Variants in WBP1 observed in about 807,000 individuals in gnomAD.
The protein encoded by WBP1 is WW domain-binding protein 1.
Under a neutral mutation model 25.6 loss-of-function variants are expected in WBP1, and 18 were observed. That is an observed-to-expected ratio of 0.70 (90% CI 0.49 to 1.04). The LOEUF is 1.04. Among genes scored for constraint, WBP1 ranks in the 50% least tolerant of loss-of-function variants. The pLI, the probability that WBP1 is intolerant of heterozygous loss-of-function variation, is 0.00. For missense variants in WBP1, 330 were observed against 352.9 expected (o/e 0.94, Z 0.52); for synonymous variants, 122 against 137.7 (o/e 0.89, Z 0.80).
chr2:74,460,177 A>G, intron 3 of WBP1, 44 bp from the exon 4 acceptor site: 1 of 1,581,596 alleles, frequency 6.3e-7, no homozygotes, highest in Non-Finnish European at 8.6e-7. Flanking sequence ...AGCACCCTAT[A>G]CCTGGTTGTC....
rs765325949 is a variant in WBP1, at chr2:74,460,290, C to G, written c.419C>G (p.Pro140Arg). 89 of 1,614,002 alleles carry G rather than the reference C, an allele frequency of 5.5e-5. No homozygotes were observed. The highest frequency in any genetic ancestry group is 1.6e-4 in the Middle Eastern group (1 of 6,084). Reference protein sequence around the residue: ...VVHRPGTPPPPYTVAPGRPLT... With the variant: ...VVHRPGTPPPRYTVAPGRPLT... ...CACCGCCCAGGCACACCACCCCCCC[C>G]TTATACTGTGGCCCCAGGCCGCCCC... Residue 140 changes from proline (P) to arginine (R), a missense_variant, in exon 4 of 4, where the codon CCT (proline) becomes CGT (arginine). Physicochemically the swap from Pro to Arg is moderately radical, Grantham distance 103. Transcript: ENST00000233615.
At chr2:74,460,137 T>TTCACA in intron 3 of WBP1, 84 bp from the exon 4 acceptor site, 2 of 1,577,332 alleles carry the variant, frequency 1.3e-6, no homozygotes, top group Non-Finnish European at 1.7e-6. Flanking sequence ...TTCCACACAT[T>TTCACA]TCAAAGTATT....
rs753261827 is a variant in WBP1, at chr2:74,459,855, C to T, written c.173-18C>T. On this transcript the variant is annotated intron_variant, in intron 2 of 3. Coordinates refer to ENST00000233615, the MANE Select transcript of WBP1 (RefSeq NM_012477.4). ...TGCATGAAAGATGCCTGAGTTGCTC[C>T]CTCCTTGCCTCTTGCAGGGTTCTGG... 1.2e-6 allele frequency: 2 copies of T among 1,612,706 alleles called. No individual in the cohort carries two copies. The highest frequency in any genetic ancestry group is 3.3e-5 in the Admixed American group (2 of 59,958).
Position 74,460,357 on chromosome 2 carries a change from C to T in WBP1, c.486C>T (p.Ser162=), listed in dbSNP as rs766762910. 3.1e-6 allele frequency: 5 copies of T among 1,614,132 alleles called. No homozygotes were observed. Among genetic ancestry groups the T allele is most frequent in the South Asian group, 1.1e-5 (1 of 91,084 alleles). The change falls in exon 4 of 4, where the codon TCC becomes TCT. Residue 162 remains serine (S), a synonymous_variant. Transcript: ENST00000233615. ...AACAAACCTGCTGTTCCTCCTCATCCAGCTGCCCTGCCCACTTTGAAGGAA... is the reference window on the plus strand; with the variant it reads ...AACAAACCTGCTGTTCCTCCTCATCTAGCTGCCCTGCCCACTTTGAAGGAA... The part of the protein sequence containing the change: ...SSEQTCCSSS[S]SCPAHFEGTN...
At position 74,460,424 on chromosome 2, in the gene WBP1, C is replaced by CA; in HGVS notation, c.554dup (p.His185GlnfsTer5). 1 of 1,613,700 alleles carries CA rather than the reference C, an allele frequency of 6.2e-7. No homozygotes were observed. The highest frequency in any genetic ancestry group is 2.2e-5 in the East Asian group (1 of 44,858). ...TTCCTCCCACCAGAGTGCCCCCCCT[C>CA]ATCAGGAGGGTGAGCCCGGGGCAGG... is the stretch of plus-strand genomic sequence containing the variant. On this transcript the variant is annotated frameshift_variant, in exon 4 of 4. Transcript: ENST00000233615. LOFTEE classifies it high-confidence loss of function.
chr2:74,459,725 C>T lies in WBP1; in HGVS notation c.152C>T (p.Thr51Ile), dbSNP rs199793567. The T allele has an allele frequency of 1.9e-6, 3 of 1,614,176 alleles. No individual in the cohort carries two copies. The highest frequency in any genetic ancestry group is 4.5e-5 in the East Asian group (2 of 44,886). ...TGCTGCGGGGAGACTGGCTGCTGCA[C>T]CTACTACTATGAGCTCTGGTGTAAG... ...GHCCGETGCC[T>I]YYYELWWFWL... The change falls in exon 2 of 4, where the codon ACC becomes ATC. Residue 51 changes from threonine to isoleucine, a missense_variant. Coordinates refer to ENST00000233615, the MANE Select transcript of WBP1 (RefSeq NM_012477.4).
At position 74,460,433 on chromosome 2, in the gene WBP1, G is replaced by A; in HGVS notation, c.562G>A (p.Gly188Ser). The change falls in exon 4 of 4, where the codon GGT becomes AGT. Residue 188 changes from glycine (G) to serine (S), a missense_variant. Transcript: ENST00000233615. ...SHQSAPPHQE[G>S]EPGAGVTPAS... ...CCAGAGTGCCCCCCCTCATCAGGAG[G>A]GTGAGCCCGGGGCAGGGGTGACCCC... 6.2e-7 allele frequency: 1 copy of A among 1,613,682 alleles called. No homozygotes were observed. Among genetic ancestry groups the A allele is most frequent in the Non-Finnish European group, 8.5e-7 (1 of 1,180,008 alleles).
chr2:74,458,490 G>C lies in WBP1; in HGVS notation c.-113G>C. Reference sequence around the variant, plus strand: ...AAGCTCCGGCCGCGGAGTGATGGTGGCCTCAGCGAAGATGGGCCGGGCAGG... The same window carrying C: ...AAGCTCCGGCCGCGGAGTGATGGTGCCCTCAGCGAAGATGGGCCGGGCAGG... On this transcript the variant is annotated 5_prime_UTR_variant, in exon 1 of 4. Transcript: ENST00000233615. 6.8e-7 allele frequency: 1 copy of C among 1,476,864 alleles called. No individual in the cohort carries two copies. Among genetic ancestry groups the C allele is most frequent in the South Asian group, 1.3e-5 (1 of 74,460 alleles). The allele number at this position is 1,476,864 out of a possible 1,614,324, so 91.5% of individuals were successfully genotyped here.
At chr2:74,460,175 A>G (rs1206667316) in intron 3 of WBP1, 46 bp from the exon 4 acceptor site, 4 of 1,584,210 alleles carry the variant, frequency 2.5e-6, no homozygotes, top group Middle Eastern at 1.7e-4. Flanking sequence ...CTAGCACCCT[A>G]TACCTGGTTG....
chr2:74,460,615 A>G lies in WBP1; in HGVS notation c.744A>G (p.Leu248=), dbSNP rs573975457. 6.2e-7 allele frequency: 1 copy of G among 1,610,718 alleles called. No individual in the cohort carries two copies. The highest frequency in any genetic ancestry group is 1.1e-5 in the South Asian group (1 of 90,750). ...PDLEDYSPCA[L]PPESVPQIFP... ...TGGAGGACTACTCCCCGTGTGCACT[A>G]CCCCCAGAGTCTGTACCGCAGATCT... The change falls in exon 4 of 4, where the codon CTA becomes CTG. Residue 248 remains leucine (L), a synonymous_variant. Transcript: ENST00000233615.
chr2:74,459,896 C>T lies in WBP1; in HGVS notation c.196C>T (p.Leu66Phe). Reference sequence around the variant, plus strand: ...AGGGTTCTGGCTGCTCTGGACTGTCCTCATCCTCTTTAGCTGCTGTTGCGC... The same window carrying T: ...AGGGTTCTGGCTGCTCTGGACTGTCTTCATCCTCTTTAGCTGCTGTTGCGC... ...LWWFWLLWTVLILFSCCCAFR... is the reference protein window; with the variant it reads ...LWWFWLLWTVFILFSCCCAFR... The change falls in exon 3 of 4, where the codon CTC (leucine) becomes TTC (phenylalanine). Residue 66 changes from leucine to phenylalanine, a missense_variant. Leu to Phe is a conservative substitution (Grantham distance 22). Coordinates refer to ENST00000233615, the MANE Select transcript of WBP1 (RefSeq NM_012477.4). The T allele has an allele frequency of 2.5e-6, 4 of 1,614,160 alleles. No homozygotes were observed. Among genetic ancestry groups the T allele is most frequent in the Non-Finnish European group, 2.5e-6 (3 of 1,179,998 alleles).
In WBP1 at chr2:74,458,591, G is replaced by T. The variant is rs1671785867; in HGVS notation, c.-12G>T. ...AGGAGGCTGTGGTCCTCAGGGGGCT[G>T]TAGGTGGAGGTATGGCTCGGGCCAG... On this transcript the variant is annotated 5_prime_UTR_variant, in exon 1 of 4. Coordinates refer to ENST00000233615, the MANE Select transcript of WBP1 (RefSeq NM_012477.4). The T allele has an allele frequency of 6.4e-7, 1 of 1,552,378 alleles. No homozygotes were observed. Among genetic ancestry groups the T allele is most frequent in the Admixed American group, 2.0e-5 (1 of 50,732 alleles).
rs753973126 is a variant in WBP1, at chr2:74,460,253, G to A, written c.382G>A (p.Glu128Lys). ...CAGCACCTTCAAGCCCCCAGCCTAC[G>A]AGGATGTGGTTCACCGCCCAGGCAC... ...FLSTFKPPAY[E>K]DVVHRPGTPP... The change falls in exon 4 of 4, where the codon GAG becomes AAG. Residue 128 changes from glutamate (E) to lysine (K), a missense_variant. By Grantham distance (56) the Glu-to-Lys change is moderately conservative (BLOSUM62 1). Transcript: ENST00000233615. 1.1e-5 allele frequency: 17 copies of A among 1,612,998 alleles called. No individual in the cohort carries two copies. Among genetic ancestry groups the A allele is most frequent in the African/African-American group, 1.3e-5 (1 of 74,976 alleles).
intron 3 of WBP1, 50 bp from the exon 4 acceptor site, chr2:74,460,171 C>T (rs1273429755): frequency 1.3e-6 from 2 of 1,582,072 alleles, no homozygotes; most frequent in South Asian, 1.1e-5. Flanking sequence ...AAAACTAGCA[C>T]CCTATACCTG....
At chr2:74,458,823 G>A (rs928019638) in intron 1 of WBP1, 152 bp downstream of exon 1, 11 of 1,535,566 alleles carry the variant, frequency 7.2e-6, no homozygotes, top group Non-Finnish European at 9.7e-6. Flanking sequence ...TCTAAACTTT[G>A]TAACGTAGAT....
chr2:74,459,591 C>G (rs1255058999), intron 1 of WBP1, 52 bp from the exon 2 acceptor site: 4 of 1,558,632 alleles, frequency 2.6e-6, no homozygotes, highest in Non-Finnish European at 3.5e-6. Context: ...TGGGGGTGGA[C>G]AGTGCCCTGG....
chr2:74,460,140 A>G (rs1671853466), intron 3 of WBP1, 81 bp from the exon 4 acceptor site: 1 of 1,577,436 alleles, frequency 6.3e-7, no homozygotes, highest in Non-Finnish European at 8.6e-7. Context: ...CACACATTTC[A>G]AAGTATTTTT....
In WBP1 at chr2:74,460,541, G is replaced by A; in HGVS notation, c.670G>A (p.Glu224Lys). The A allele has an allele frequency of 1.2e-6, 2 of 1,613,524 alleles. No homozygotes were observed. Among genetic ancestry groups the A allele is most frequent in the Non-Finnish European group, 1.7e-6 (2 of 1,179,798 alleles). Residue 224 changes from glutamate (E) to lysine (K), a missense_variant, in exon 4 of 4, where the codon GAG (glutamate) becomes AAG (lysine). Transcript: ENST00000233615. ...IELCPCPASG[E>K]GEPVKEVRVS... is the part of the protein sequence containing the mutation. ...GCTCTGCCCTTGTCCTGCCTCCGGT[G>A]AGGGTGAGCCAGTCAAGGAGGTGAG...
At chr2:74,458,831 G>A (rs1290204522) in intron 1 of WBP1, 160 bp downstream of exon 1, 1 of 1,538,642 alleles carries the variant, frequency 6.5e-7, no homozygotes, top group Non-Finnish European at 8.8e-7. Context: ...TTGTAACGTA[G>A]ATGCAGCTGA....
Sources: allele counts gnomAD v4.1 joint callset, GRCh38; gene constraint gnomAD v4.1.1; transcripts MANE v1.5; gene names NCBI Gene and HGNC (gene_info 2026-07-23, HGNC 2026-07-21).